EXOC6B: variants seen among roughly 807,000 people sequenced by gnomAD.
The protein encoded by EXOC6B is exocyst complex component 6B.
A neutral mutation model predicts 113.5 loss-of-function variants in EXOC6B; 54 were observed. The observed-to-expected ratio is 0.48, with a 90% CI of 0.38 to 0.60. The LOEUF is 0.60. EXOC6B is among the 20% of genes least tolerant of loss of function. EXOC6B has a pLI of 0.00. For missense variants in EXOC6B, 797 were observed against 977.5 expected, an observed-to-expected ratio of 0.82 and a Z score of 2.46; for synonymous variants, 357 against 339.0, an observed-to-expected ratio of 1.05 and a Z score of -0.58.
intron 20 of EXOC6B, among the ~76,000 whole-genome samples, chr2:72,227,489 A>T (rs540042270): frequency 6.6e-6 from 1 of 152,340 alleles, no homozygotes; most frequent in South Asian, 2.1e-4. Context: ...ATAAGGGTAA[A>T]CTGATATACC....
intron 19 of EXOC6B, among the ~76,000 whole-genome samples, chr2:72,359,899 G>T (rs1690201581): frequency 6.6e-6 from 1 of 151,976 alleles, no homozygotes; most frequent in Non-Finnish European, 1.5e-5. Context: ...TTAAAAGACT[G>T]TGGCTCCTCC....
chr2:72,662,138 A>C, intron 6 of EXOC6B, among the ~76,000 whole-genome samples: 1 of 151,496 alleles, frequency 6.6e-6, no homozygotes, highest in African/African-American at 2.4e-5. Flanking sequence ...GAAGAGAGGA[A>C]GTTGAGGAAA....
At chr2:72,767,274 A>T (rs1303351964) in intron 1 of EXOC6B, among the ~76,000 whole-genome samples, 2 of 151,874 alleles carry the variant, frequency 1.3e-5, no homozygotes, top group African/African-American at 4.8e-5. Context: ...TACTAAAAAT[A>T]CAAAAAATTA....
intron 8 of EXOC6B, among the ~76,000 whole-genome samples, chr2:72,533,919 A>G (rs1385084448): frequency 1.3e-5 from 2 of 152,212 alleles, no homozygotes; most frequent in African/African-American, 4.8e-5. Context: ...AATATGACTC[A>G]TAAGAACAGG....
chr2:72,798,658 A>G (rs1329881067), intron 1 of EXOC6B, among the ~76,000 whole-genome samples: 2 of 152,258 alleles, frequency 1.3e-5, no homozygotes, highest in East Asian at 1.9e-4. Flanking sequence ...AATAGTAACT[A>G]AAGTATTCCA....
chr2:72,456,625 C>A (rs1344303263), intron 18 of EXOC6B, among the ~76,000 whole-genome samples: 2 of 152,106 alleles, frequency 1.3e-5, no homozygotes, highest in Admixed American at 6.6e-5. Context: ...GTATCCCTTA[C>A]AAAGTACATA....
chr2:72,442,285 A>G (rs1696251226), intron 18 of EXOC6B, among the ~76,000 whole-genome samples: 1 of 152,188 alleles, frequency 6.6e-6, no homozygotes, highest in Admixed American at 6.5e-5. Flanking sequence ...ACAAACTCAC[A>G]GCCAACATCA....
intron 6 of EXOC6B, among the ~76,000 whole-genome samples, chr2:72,702,886 G>A (rs1678536973): frequency 6.7e-6 from 1 of 150,046 alleles, no homozygotes; most frequent in Non-Finnish European, 1.5e-5. Context: ...TGTTCACTCT[G>A]ATGGTAGTTT....
At chr2:72,229,211 GA>G (rs1681453564) in intron 20 of EXOC6B, among the ~76,000 whole-genome samples, 1 of 152,118 alleles carries the variant, frequency 6.6e-6, no homozygotes, top group Non-Finnish European at 1.5e-5. Flanking sequence ...AGGAGGAAAA[GA>G]GAAAAATGGT....
chr2:72,389,522 T>A (rs768966169), intron 18 of EXOC6B, among the ~76,000 whole-genome samples: 2 of 152,062 alleles, frequency 1.3e-5, no homozygotes, highest in Non-Finnish European at 2.9e-5. Context: ...GATGCAAGCT[T>A]CCATTTTATA....
chr2:72,234,057 T>C (rs975386027), intron 20 of EXOC6B, among the ~76,000 whole-genome samples: 10 of 150,350 alleles, frequency 6.7e-5, no homozygotes, highest in Non-Finnish European at 1.0e-4. Context: ...GCTTCCCATA[T>C]GCAGAAGATT....
intron 6 of EXOC6B, among the ~76,000 whole-genome samples, chr2:72,634,926 T>A (rs1672719687): frequency 6.6e-6 from 1 of 150,790 alleles, no homozygotes; most frequent in Non-Finnish European, 1.5e-5. Flanking sequence ...AAATAATGAA[T>A]CTCCTACATG....
intron 20 of EXOC6B, among the ~76,000 whole-genome samples, chr2:72,197,891 G>A (rs931136907): frequency 6.6e-6 from 1 of 152,142 alleles, no homozygotes; most frequent in Non-Finnish European, 1.5e-5. Context: ...TTCACATTTA[G>A]ATGTTTTAAA....
intron 6 of EXOC6B, among the ~76,000 whole-genome samples, chr2:72,616,368 A>C (rs947911408): frequency 3.7e-4 from 56 of 152,328 alleles, no homozygotes; most frequent in African/African-American, 1.3e-3. Context: ...ACACTACCTA[A>C]CTTCAAAATA....
intron 6 of EXOC6B, among the ~76,000 whole-genome samples, chr2:72,576,137 T>C (rs956431614): frequency 1.3e-5 from 2 of 152,046 alleles, no homozygotes; most frequent in African/African-American, 2.4e-5. Context: ...TTTAATACAT[T>C]TAGGCTTAAG....
At chr2:72,629,847 C>G (rs1672278816) in intron 6 of EXOC6B, among the ~76,000 whole-genome samples, 2 of 152,174 alleles carry the variant, frequency 1.3e-5, no homozygotes, top group Admixed American at 1.3e-4. Context: ...GTCTTCTACC[C>G]ACAACATGCC....
intron 18 of EXOC6B, among the ~76,000 whole-genome samples, chr2:72,395,701 T>A (rs1481280293): frequency 6.6e-6 from 1 of 152,118 alleles, no homozygotes; most frequent in Non-Finnish European, 1.5e-5. Flanking sequence ...TCATATTAAC[T>A]TAGGGTCAAA....
chr2:72,539,746 G>A (rs1702487623), intron 8 of EXOC6B, among the ~76,000 whole-genome samples: 1 of 151,474 alleles, frequency 6.6e-6, no homozygotes, highest in Admixed American at 6.6e-5. Flanking sequence ...GTGTGTGTGT[G>A]TGTGCGCGCG....
At chr2:72,462,169 T>C (rs1281536400) in intron 18 of EXOC6B, 2 of 152,168 alleles carry the variant, frequency 1.3e-5, no homozygotes, top group African/African-American at 2.4e-5. Context: ...TGTCACATTA[T>C]TTCTAAATTG....
Sources: allele counts gnomAD v4.1 joint callset (sites outside exome capture counted in the v4.1 genomes callset), GRCh38; gene constraint gnomAD v4.1.1; transcripts MANE v1.5; gene names NCBI Gene and HGNC (gene_info 2026-07-23, HGNC 2026-07-21).